PLXNA4: variants seen among roughly 807,000 people sequenced by gnomAD.
The protein encoded by PLXNA4 is plexin-A4.
A neutral mutation model predicts 191.8 loss-of-function variants in PLXNA4; 44 were observed. The ratio of observed to expected loss-of-function variants is 0.23; its 90% CI spans 0.18 to 0.29. PLXNA4 has a LOEUF of 0.29. Ranked by LOEUF, PLXNA4 falls within the 10% of genes least tolerant of loss-of-function variation. The pLI is 1.00. For missense variants in PLXNA4, 1,800 were observed against 2,488.8 expected (o/e 0.72, Z 5.89); for synonymous variants, 1,082 against 1,009.5 (o/e 1.07, Z -1.36).
intron 1 of PLXNA4, among the ~76,000 whole-genome samples, chr7:132,570,151 T>C (rs1008673533): frequency 1.3e-5 from 2 of 152,206 alleles, no homozygotes; most frequent in Admixed American, 6.5e-5. Flanking sequence ...GCAAACTTAC[T>C]TGACTGCGGA....
At chr7:132,622,435 T>TA (rs528330750) in intron 2 of PLXNA4, among the ~76,000 whole-genome samples, 156 of 151,844 alleles carry the variant, frequency 1.0e-3, no homozygotes, top group Middle Eastern at 3.4e-3. Flanking sequence ...GCAAATGCTA[T>TA]AAAAAACATT....
At chr7:132,577,916 C>T (rs910043753), upstream of PLXNA4, among the ~76,000 whole-genome samples, 8 of 152,148 alleles carry the variant, frequency 5.3e-5, 1 homozygote, top group Admixed American at 4.6e-4. Flanking sequence ...GCACAAGGCC[C>T]GCACGAGAGA....
rs1027319987 is a variant in PLXNA4 at position 132,248,630 on chromosome 7, T to C, written c.1504-7464A>G. 7.2e-5 allele frequency among the ~76,000 whole-genome samples: 11 copies of C among 152,326 alleles called. No homozygotes were observed. In the Middle Eastern group the frequency reaches 0.01, roughly 141 times the overall value. On this transcript the variant is annotated intron_variant, in intron 4 of 31. Coordinates refer to ENST00000321063, the MANE Select transcript of PLXNA4 (RefSeq NM_020911.2). ...TTCAGAAATTATTGAAAGCCAGATC[T>C]AACGTGATAAATGGCCCTTCTCAGT... is the stretch of plus-strand genomic sequence containing the variant.
At chr7:132,217,897 CTTTTTTTTTTTTTT>C (rs138576612) in intron 9 of PLXNA4, among the ~76,000 whole-genome samples, 2,587 of 43,562 alleles carry the variant, frequency 0.059, 76 homozygotes, top group South Asian at 0.16. Flanking sequence ...GCTGGATTTG[CTTTTTTTTTTTTTT>C]TTTTTTTTTT....
rs73726058 is a variant in PLXNA4, at chr7:132,428,962, C to G, written c.1371+60330G>C. Among the ~76,000 whole-genome samples the G allele has an allele frequency of 8.0e-3, 1,213 of 152,200 alleles. 23 individuals are homozygous for G. The highest frequency in any genetic ancestry group is 0.028 in the African/African-American group (1,158 of 41,532). On this transcript the variant is annotated intron_variant, in intron 3 of 31. Coordinates refer to ENST00000321063, the MANE Select transcript of PLXNA4 (RefSeq NM_020911.2). ...CTTTCGGGGTGCAAGGGCTTAGACC[C>G]TGAAGGAGAGTGGGAAGGACAAAGG...
chr7:132,467,369 G>A (rs527803656), intron 3 of PLXNA4, among the ~76,000 whole-genome samples: 16 of 152,276 alleles, frequency 1.1e-4, no homozygotes, highest in African/African-American at 2.9e-4. Context: ...GCCTGAGACC[G>A]TGGGCCAGAG....
At chr7:132,234,659 G>C (rs550672084) in intron 5 of PLXNA4, among the ~76,000 whole-genome samples, 43 of 151,224 alleles carry the variant, frequency 2.8e-4, no homozygotes, top group Middle Eastern at 3.4e-3. Context: ...CGGGGGGCAG[G>C]GTTAAAAAAG....
intron 2 of PLXNA4, among the ~76,000 whole-genome samples, chr7:132,629,300 C>G (rs575127595): frequency 3.9e-4 from 59 of 152,324 alleles, no homozygotes; most frequent in Admixed American, 1.4e-3. Context: ...TCTAGAGACT[C>G]TCTTGTACGA....
chr7:132,377,101 G>A (rs927907511), intron 3 of PLXNA4, among the ~76,000 whole-genome samples: 2 of 152,038 alleles, frequency 1.3e-5, no homozygotes, highest in African/African-American at 4.8e-5. Flanking sequence ...GAGGCAATTG[G>A]ATCTCTCTTT....
At chr7:132,570,688 G>A (rs575754626) in intron 1 of PLXNA4, among the ~76,000 whole-genome samples, 25 of 152,200 alleles carry the variant, frequency 1.6e-4, no homozygotes, top group African/African-American at 5.5e-4. Flanking sequence ...GTAAGACCTC[G>A]GGAATTGATT....
chr7:132,231,008 C>A (rs370795919), intron 5 of PLXNA4, among the ~76,000 whole-genome samples: 28 of 152,166 alleles, frequency 1.8e-4, no homozygotes, highest in African/African-American at 6.8e-4. Flanking sequence ...ACCTGCATTG[C>A]TTGCTGCTTC....
At chr7:132,505,892 T>C (rs929578791) in intron 2 of PLXNA4, among the ~76,000 whole-genome samples, 1 of 152,180 alleles carries the variant, frequency 6.6e-6, no homozygotes, top group Non-Finnish European at 1.5e-5. Context: ...GTGGCTCCAC[T>C]ACTGCCCCAA....
intron 2 of PLXNA4, among the ~76,000 whole-genome samples, chr7:132,644,113 C>T (rs1053290156): frequency 5.9e-5 from 9 of 152,110 alleles, no homozygotes; most frequent in Non-Finnish European, 4.4e-5. Flanking sequence ...GTTTGAAAGG[C>T]AGTGGCCTAG....
intron 3 of PLXNA4, among the ~76,000 whole-genome samples, chr7:132,482,778 C>T (rs571011094): frequency 2.0e-5 from 3 of 151,770 alleles, no homozygotes; most frequent in Non-Finnish European, 2.9e-5. Flanking sequence ...CTGCAACCTC[C>T]GCCTCCTGGG....
At chr7:132,471,703 C>T (rs1212192017) in intron 3 of PLXNA4, among the ~76,000 whole-genome samples, 1 of 152,162 alleles carries the variant, frequency 6.6e-6, no homozygotes, top group Non-Finnish European at 1.5e-5. Context: ...AAGGATAGAC[C>T]ACAGATGCCT....
At chr7:132,482,812 C>T (rs1281720778) in intron 3 of PLXNA4, among the ~76,000 whole-genome samples, 8 of 151,816 alleles carry the variant, frequency 5.3e-5, no homozygotes, top group Admixed American at 6.6e-5. Flanking sequence ...CCTGCCTCAG[C>T]GTCCTGAGTA....
At chr7:132,613,207 G>T (rs1355050907) in intron 2 of PLXNA4, among the ~76,000 whole-genome samples, 2 of 152,048 alleles carry the variant, frequency 1.3e-5, no homozygotes. Flanking sequence ...AGCACACCTT[G>T]CACTTTTCCA....
intron 2 of PLXNA4, among the ~76,000 whole-genome samples, chr7:132,617,896 A>G (rs976871419): frequency 1.3e-5 from 2 of 152,208 alleles, no homozygotes; most frequent in Non-Finnish European, 1.5e-5. Flanking sequence ...TCTGCTGAAC[A>G]GTATTGTTTC....
At position 132,299,012 on chromosome 7, in the gene PLXNA4, C is replaced by T. The variant is rs534637753; in HGVS notation, c.1372-790G>A. Among the ~76,000 whole-genome samples, 30 of 152,370 alleles carry T rather than the reference C, an allele frequency of 2.0e-4. 1 individual carries two copies. In the South Asian group the frequency reaches 5.6e-3, roughly 28 times the overall value. ...TGAATGAGAACTAACCTAGAAAAGA[C>T]ATGAGCTTTCCAACCCTACATGATG... is the stretch of plus-strand genomic sequence containing the variant. On this transcript the variant is annotated intron_variant, in intron 3 of 31. Coordinates refer to ENST00000321063, the MANE Select transcript of PLXNA4 (RefSeq NM_020911.2).
Sources: allele counts gnomAD v4.1 joint callset (sites outside exome capture counted in the v4.1 genomes callset), GRCh38; gene constraint gnomAD v4.1.1; transcripts MANE v1.5; gene names NCBI Gene and HGNC (gene_info 2026-07-23, HGNC 2026-07-21).